The following ADCYAP1R1 variants were observed in gnomAD, a reference collection of about 807,000 sequenced individuals.
The protein encoded by ADCYAP1R1 is ADCYAP receptor type I, also known as pituitary adenylate cyclase-activating polypeptide type I receptor.
Under a neutral mutation model 67.6 loss-of-function variants are expected in ADCYAP1R1, and 44 were observed. The observed-to-expected ratio is 0.65, with a 90% CI of 0.51 to 0.84. The LOEUF (loss-of-function observed/expected upper bound fraction) is 0.84. Ranked by LOEUF, ADCYAP1R1 falls within the 40% of genes least tolerant of loss-of-function variation. ADCYAP1R1 has a pLI of 0.00. For synonymous variants in ADCYAP1R1, 222 were observed against 219.6 expected (o/e 1.01, Z -0.10); for missense variants, 477 against 587.9 (o/e 0.81, Z 1.95).
chr7:31,055,047 C>T (rs1396902764), intron 1 of ADCYAP1R1, among the ~76,000 whole-genome samples: 1 of 152,148 alleles, frequency 6.6e-6, no homozygotes, highest in Non-Finnish European at 1.5e-5. Flanking sequence ...GTGTTTGTAC[C>T]GAGCTCTGGA....
chr7:31,094,298 C>T (rs1187605716), intron 13 of ADCYAP1R1, among the ~76,000 whole-genome samples: 1 of 152,094 alleles, frequency 6.6e-6, no homozygotes, highest in East Asian at 1.9e-4. Flanking sequence ...ACATAACCTG[C>T]CCTAGAGATA....
chr7:31,106,113 T>C (rs904217257), intron 15 of ADCYAP1R1, among the ~76,000 whole-genome samples: 1 of 152,244 alleles, frequency 6.6e-6, no homozygotes, highest in Non-Finnish European at 1.5e-5. Flanking sequence ...GTAATTCTAA[T>C]GTGTAGCCCA....
At chr7:31,106,448 T>A (rs753692673) in intron 15 of ADCYAP1R1, 48 bp from the exon 16 acceptor site, 1 of 1,562,964 alleles carries the variant, frequency 6.4e-7, no homozygotes, top group Non-Finnish European at 8.7e-7. Context: ...GCCTGGAGGC[T>A]GCAGAGGATG....
intron 1 of ADCYAP1R1, among the ~76,000 whole-genome samples, chr7:31,060,904 C>G (rs1794475281): frequency 6.6e-6 from 1 of 152,226 alleles, no homozygotes; most frequent in Non-Finnish European, 1.5e-5. Flanking sequence ...ACGAGCATCA[C>G]CTGGAGAACT....
intron 3 of ADCYAP1R1, among the ~76,000 whole-genome samples, chr7:31,075,575 C>A (rs116703710): frequency 6.6e-6 from 1 of 152,172 alleles, no homozygotes; most frequent in South Asian, 2.1e-4. Flanking sequence ...CCATGCTCTT[C>A]TCACTTTATG....
chr7:31,085,420 G>A lies in ADCYAP1R1; in HGVS notation c.647G>A (p.Ser216Asn). The A allele has an allele frequency of 6.2e-7, 1 of 1,613,482 alleles. No individual in the cohort carries two copies. Among genetic ancestry groups the A allele is most frequent in the African/African-American group, 1.3e-5 (1 of 75,040 alleles). The change falls in exon 9 of 16, where the codon AGC becomes AAC. Residue 216 changes from serine to asparagine, a missense_variant. Ser to Asn is a conservative substitution (Grantham distance 46). Coordinates refer to ENST00000304166, the MANE Select transcript of ADCYAP1R1 (RefSeq NM_001118.5). ...TGGATTCTGTATGCGGAGCAGGACA[G>A]CAACCACTGCTTCATCTCCACTGTG... ...KDWILYAEQD[S>N]NHCFISTVEC...
chr7:31,085,195 G>C, intron 8 of ADCYAP1R1, 115 bp from the exon 9 acceptor site: 1 of 1,418,776 alleles, frequency 7.0e-7, no homozygotes, highest in Non-Finnish European at 9.5e-7. Flanking sequence ...GGGTGGCCTG[G>C]GTGGGAGACC....
At chr7:31,055,776 C>A (rs955170813) in intron 1 of ADCYAP1R1, among the ~76,000 whole-genome samples, 1 of 152,302 alleles carries the variant, frequency 6.6e-6, no homozygotes, top group Non-Finnish European at 1.5e-5. Flanking sequence ...GCTCTGATAG[C>A]TGCAGATGCC....
intron 15 of ADCYAP1R1, among the ~76,000 whole-genome samples, 177 bp downstream of exon 15, chr7:31,105,086 TC>T (rs1796587778): frequency 6.6e-6 from 1 of 152,162 alleles, no homozygotes; most frequent in Non-Finnish European, 1.5e-5. Context: ...TGCCAGGACC[TC>T]CTGATACCCA....
intron 13 of ADCYAP1R1, among the ~76,000 whole-genome samples, chr7:31,101,456 C>T (rs1249277172): frequency 6.6e-6 from 1 of 152,132 alleles, no homozygotes; most frequent in Non-Finnish European, 1.5e-5. Context: ...GTTCTGGGGC[C>T]AGCTTCCTTT....
In ADCYAP1R1 at chr7:31,110,341, T is replaced by C. The variant is rs1360874834; in HGVS notation, c.*3657T>C. ...GCAAGGACTTGGGCTTCTCCACGCT[T>C]TGCTCCTGGCTTGTTTGACCTTGAC... On this transcript the variant is annotated 3_prime_UTR_variant, in exon 16 of 16. Coordinates refer to ENST00000304166, the MANE Select transcript of ADCYAP1R1 (RefSeq NM_001118.5). 1 of 152,158 alleles carries C rather than the reference T, an allele frequency of 6.6e-6. No homozygotes were observed. Among genetic ancestry groups the C allele is most frequent in the Non-Finnish European group, 1.5e-5 (1 of 68,032 alleles). 9.4% of individuals were successfully genotyped at this position (152,158 alleles called of 1,614,324 possible).
chr7:31,077,606 G>A (rs1795318265), intron 3 of ADCYAP1R1, among the ~76,000 whole-genome samples: 1 of 147,872 alleles, frequency 6.8e-6, no homozygotes, highest in Non-Finnish European at 1.5e-5. Context: ...TGTGTGTTGT[G>A]TGAATGTGTG....
intron 1 of ADCYAP1R1, among the ~76,000 whole-genome samples, chr7:31,062,874 G>T (rs991502493): frequency 5.3e-5 from 8 of 152,240 alleles, no homozygotes; most frequent in African/African-American, 1.9e-4. Context: ...TCACTGTGGA[G>T]GAGGGGGAAA....
At chr7:31,064,236 G>A (rs1266228367) in intron 2 of ADCYAP1R1, among the ~76,000 whole-genome samples, 8 of 152,286 alleles carry the variant, frequency 5.3e-5, no homozygotes, top group South Asian at 2.1e-4. Flanking sequence ...GCTGCCGGGG[G>A]CACTTTTTTC....
intron 6 of ADCYAP1R1, among the ~76,000 whole-genome samples, chr7:31,082,779 C>T (rs954083515): frequency 6.6e-6 from 1 of 152,238 alleles, no homozygotes; most frequent in African/African-American, 2.4e-5. Flanking sequence ...TAGCCTGTGC[C>T]GTAGAACTCA....
chr7:31,062,280 G>T (rs1314225053), intron 1 of ADCYAP1R1, among the ~76,000 whole-genome samples: 3 of 152,074 alleles, frequency 2.0e-5, no homozygotes, highest in Non-Finnish European at 4.4e-5. Context: ...CTGTCTCTCT[G>T]GTCCCCACCA....
intron 3 of ADCYAP1R1, among the ~76,000 whole-genome samples, chr7:31,074,223 G>A (rs1012601627): frequency 2.6e-5 from 4 of 152,158 alleles, no homozygotes; most frequent in African/African-American, 9.7e-5. Context: ...GTGAGCCTGC[G>A]GCGGAAGGAA....
intron 13 of ADCYAP1R1, among the ~76,000 whole-genome samples, chr7:31,093,611 G>A (rs571209016): frequency 1.3e-5 from 2 of 152,208 alleles, no homozygotes; most frequent in Non-Finnish European, 2.9e-5. Context: ...TGGCTGGAGG[G>A]GTGGATGGGC....
At chr7:31,087,200 A>G (rs530977136) in intron 11 of ADCYAP1R1, among the ~76,000 whole-genome samples, 197 bp downstream of exon 11, 4 of 152,346 alleles carry the variant, frequency 2.6e-5, no homozygotes, top group African/African-American at 2.4e-5. Flanking sequence ...TCAGCCAGCA[A>G]CCCAGCAAGA....
Sources: allele counts gnomAD v4.1 joint callset (sites outside exome capture counted in the v4.1 genomes callset), GRCh38; gene constraint gnomAD v4.1.1; transcripts MANE v1.5; gene names NCBI Gene and HGNC (gene_info 2026-07-23, HGNC 2026-07-21).